Variants in FNDC3B observed in about 807,000 individuals in gnomAD.
FNDC3B encodes fibronectin type III domain-containing protein 3B.
A neutral mutation model predicts 151.5 loss-of-function variants in FNDC3B; 12 were observed. That is an observed-to-expected ratio of 0.08 (90% CI 0.05 to 0.13). The LOEUF (loss-of-function observed/expected upper bound fraction) is 0.13. Among genes scored for constraint, FNDC3B ranks in the 10% least tolerant of loss-of-function variants. The probability of loss-of-function intolerance (pLI) is 1.00; values close to 1 mark genes in which losing one functional copy is unlikely to be tolerated. For synonymous variants in FNDC3B, 528 were observed against 549.0 expected (o/e 0.96, Z 0.54); for missense variants, 1,214 against 1,505.3 (o/e 0.81, Z 3.20).
chr3:172,068,117 G>C (rs1462603457), intron 1 of FNDC3B, among the ~76,000 whole-genome samples: 1 of 152,146 alleles, frequency 6.6e-6, no homozygotes, highest in East Asian at 1.9e-4. Context: ...GCTCTTTTCA[G>C]GGGATTCTAT....
intron 3 of FNDC3B, among the ~76,000 whole-genome samples, chr3:172,195,387 A>G (rs1244113606): frequency 2.0e-5 from 3 of 152,238 alleles, no homozygotes; most frequent in Non-Finnish European, 4.4e-5. Flanking sequence ...CAAATGGTAC[A>G]CTATGTAGCA....
Position 172,112,464 on chromosome 3 carries a change from G to A in FNDC3B, c.-16G>A. 1 of 1,591,468 alleles carries A rather than the reference G, an allele frequency of 6.3e-7. No individual in the cohort carries two copies. Among genetic ancestry groups the A allele is most frequent in the East Asian group, 2.2e-5 (1 of 44,790 alleles). On this transcript the variant is annotated 5_prime_UTR_variant, in exon 2 of 26. Transcript: ENST00000415807. ...GGTTCTCTTGCAGGAAGCCAGTTGA[G>A]GGAAGTTCTCCATGAATGTACGTCA...
intron 1 of FNDC3B, among the ~76,000 whole-genome samples, chr3:172,076,121 T>G (rs956865060): frequency 3.3e-5 from 5 of 152,206 alleles, no homozygotes; most frequent in Non-Finnish European, 5.9e-5. Flanking sequence ...CCTGGATACT[T>G]ACGGTTTGTA....
At chr3:172,174,727 T>C in intron 3 of FNDC3B, among the ~76,000 whole-genome samples, 1 of 152,180 alleles carries the variant, frequency 6.6e-6, no homozygotes, top group Non-Finnish European at 1.5e-5. Context: ...GTGAAATTTC[T>C]TTAAAAATCT....
chr3:172,341,166 C>T lies in FNDC3B; in HGVS notation c.1906C>T (p.His636Tyr), dbSNP rs1733298536. 2 of 1,614,094 alleles carry T rather than the reference C, an allele frequency of 1.2e-6. No homozygotes were observed. The highest frequency in any genetic ancestry group is 1.7e-5 in the Admixed American group (1 of 60,014). The change falls in exon 17 of 26, where the codon CAC becomes TAC. Residue 636 changes from histidine (H) to tyrosine (Y), a missense_variant. Physicochemically the swap from His to Tyr is moderately conservative, Grantham distance 83. This residue lies in a region of FNDC3B where 380 missense variants were observed against 420.9 expected (regional missense o/e 0.90). Transcript: ENST00000415807. The stretch of plus-strand genomic sequence containing the variant: ...GTCGGCTACCGAATACACCTTCACC[C>T]ACTTGAAACCAGGCACTTTGTACAA... ...SGSATEYTFT[H>Y]LKPGTLYKLR...
intron 3 of FNDC3B, among the ~76,000 whole-genome samples, chr3:172,210,881 G>C (rs752446027): frequency 3.9e-5 from 6 of 151,928 alleles, no homozygotes; most frequent in Admixed American, 1.3e-4. Context: ...ACTCGGATGT[G>C]TTACCCATAC....
At chr3:172,060,403 T>C (rs1034538312) in intron 1 of FNDC3B, among the ~76,000 whole-genome samples, 1 of 152,128 alleles carries the variant, frequency 6.6e-6, no homozygotes, top group Non-Finnish European at 1.5e-5. Context: ...GGCTTTTCTC[T>C]GTCTTCCCTA....
intron 3 of FNDC3B, among the ~76,000 whole-genome samples, chr3:172,141,558 G>A (rs1721631508): frequency 6.6e-6 from 1 of 152,198 alleles, no homozygotes. Context: ...ACTTCTGGCT[G>A]GGCATAGTGG....
At chr3:172,116,982 A>C (rs930102354) in intron 2 of FNDC3B, among the ~76,000 whole-genome samples, 28 of 152,348 alleles carry the variant, frequency 1.8e-4, no homozygotes, top group African/African-American at 6.5e-4. Flanking sequence ...TCCACTCATG[A>C]TCTGATAGAC....
intron 7 of FNDC3B, among the ~76,000 whole-genome samples, chr3:172,294,892 G>A (rs1730517947): frequency 6.6e-6 from 1 of 152,152 alleles, no homozygotes; most frequent in African/African-American, 2.4e-5. Flanking sequence ...ATATCAGCCT[G>A]GTCCTTGGTT....
At chr3:172,117,144 A>G (rs1042299783) in intron 2 of FNDC3B, among the ~76,000 whole-genome samples, 18 of 152,302 alleles carry the variant, frequency 1.2e-4, no homozygotes, top group African/African-American at 4.1e-4. Context: ...TTATTTTCCA[A>G]ATAAAGTTAT....
chr3:172,318,849 A>G (rs1372678235), intron 11 of FNDC3B, among the ~76,000 whole-genome samples: 1 of 152,186 alleles, frequency 6.6e-6, no homozygotes. Flanking sequence ...GCCCACTGCC[A>G]TGTCTTACGG....
intron 3 of FNDC3B, among the ~76,000 whole-genome samples, chr3:172,169,175 C>T (rs115298534): frequency 0.01 from 1,553 of 152,250 alleles, 29 homozygotes; most frequent in African/African-American, 0.036. Context: ...CGTCAGCACT[C>T]GGTCATGTCT....
In FNDC3B at chr3:172,399,322, T is replaced by C. The variant is rs1736449462; in HGVS notation, c.*1847T>C. ...GTCAGTCTTGTTCCTTGGCAACATCTGTAGTATTATTAATCTTCTGACATT... is the reference window on the plus strand; with the variant it reads ...GTCAGTCTTGTTCCTTGGCAACATCCGTAGTATTATTAATCTTCTGACATT... On this transcript the variant is annotated 3_prime_UTR_variant, in exon 26 of 26. Coordinates refer to ENST00000415807, the MANE Select transcript of FNDC3B (RefSeq NM_022763.4). The C allele has an allele frequency of 6.6e-6, 1 of 152,636 alleles. No individual in the cohort carries two copies. Among genetic ancestry groups the C allele is most frequent in the East Asian group, 1.9e-4 (1 of 5,206 alleles). The allele number at this position is 152,636 out of a possible 1,614,324, so 9.5% of individuals were successfully genotyped here.
At chr3:172,216,625 A>T (rs9857378) in intron 3 of FNDC3B, among the ~76,000 whole-genome samples, 11,737 of 152,242 alleles carry the variant, frequency 0.077, 728 homozygotes, top group African/African-American at 0.17. Flanking sequence ...TTGAGCTGTG[A>T]TCATGCCATT....
intron 6 of FNDC3B, 36 bp from the exon 7 acceptor site, chr3:172,285,889 TG>T: frequency 6.5e-7 from 1 of 1,540,404 alleles, no homozygotes; most frequent in Non-Finnish European, 9.0e-7. Flanking sequence ...TGCCTTCTAA[TG>T]GTATTGTTTT....
At chr3:172,298,210 G>T (rs6445058) in intron 8 of FNDC3B, among the ~76,000 whole-genome samples, 86,629 of 152,058 alleles carry the variant, frequency 0.57, 26,873 homozygotes, top group African/African-American at 0.82. Context: ...ATGATTTAAG[G>T]TGAGGTTCAG....
At chr3:172,215,151 A>G (rs1725912853) in intron 3 of FNDC3B, among the ~76,000 whole-genome samples, 1 of 152,236 alleles carries the variant, frequency 6.6e-6, no homozygotes, top group Non-Finnish European at 1.5e-5. Context: ...CTGCCAGAGC[A>G]TGACCTAGGA....
intron 1 of FNDC3B, among the ~76,000 whole-genome samples, chr3:172,104,699 G>T (rs1719556004): frequency 6.6e-6 from 1 of 152,172 alleles, no homozygotes; most frequent in South Asian, 2.1e-4. Flanking sequence ...ACTGGGAAGA[G>T]AAAGAAAAGC....
Sources: allele counts gnomAD v4.1 joint callset (sites outside exome capture counted in the v4.1 genomes callset), GRCh38; gene constraint gnomAD v4.1.1; regional missense constraint gnomAD v4.1.1; transcripts MANE v1.5; gene names NCBI Gene and HGNC (gene_info 2026-07-23, HGNC 2026-07-21).